The following CEP170 variants were observed in gnomAD, a reference collection of about 807,000 sequenced individuals.
CEP170 encodes centrosomal protein of 170 kDa.
Under a neutral mutation model 151.9 loss-of-function variants are expected in CEP170, and 21 were observed. The observed-to-expected ratio is 0.14, with a 90% CI of 0.10 to 0.20. The LOEUF (loss-of-function observed/expected upper bound fraction) is 0.20. CEP170 is among the 10% of genes least tolerant of loss of function. The pLI is 1.00. For synonymous variants in CEP170, 356 were observed against 648.8 expected, an observed-to-expected ratio of 0.55 and a Z score of 6.86; for missense variants, 964 against 1,892.9, an observed-to-expected ratio of 0.51 and a Z score of 9.11.
chr1:243,201,161 C>T (rs1232730196), intron 4 of CEP170, among the ~76,000 whole-genome samples: 1 of 152,002 alleles, frequency 6.6e-6, no homozygotes, highest in Non-Finnish European at 1.5e-5. Flanking sequence ...AGAAAAAGTA[C>T]ATGCATCAAA....
intron 1 of CEP170, among the ~76,000 whole-genome samples, chr1:243,231,185 ATCATCATTAT>A (rs892727185): frequency 3.1e-5 from 4 of 129,804 alleles, no homozygotes; most frequent in African/African-American, 7.6e-5. Flanking sequence ...CATCATCATC[ATCATCATTAT>A]TATTATTATT....
At chr1:243,210,678 G>C (rs958179575) in intron 4 of CEP170, among the ~76,000 whole-genome samples, 4 of 122,922 alleles carry the variant, frequency 3.3e-5, no homozygotes, top group African/African-American at 1.2e-4. Flanking sequence ...GCAGTAGTGT[G>C]ATCTTGGCTC....
At chr1:243,183,254 C>A (rs958566790) in intron 10 of CEP170, among the ~76,000 whole-genome samples, 2 of 152,092 alleles carry the variant, frequency 1.3e-5, no homozygotes, top group Non-Finnish European at 2.9e-5. Flanking sequence ...AAATAGAACA[C>A]ATCTCAAATG....
intron 17 of CEP170, among the ~76,000 whole-genome samples, chr1:243,132,128 T>C (rs1295435569): frequency 6.6e-6 from 1 of 152,208 alleles, no homozygotes; most frequent in Non-Finnish European, 1.5e-5. Context: ...CGCATGCCTC[T>C]AGGATGAACC....
chr1:243,230,124 G>A (rs1051625403), intron 1 of CEP170, among the ~76,000 whole-genome samples: 4 of 152,026 alleles, frequency 2.6e-5, no homozygotes, highest in African/African-American at 9.7e-5. Context: ...GTGGAGGCAG[G>A]AGGATTCCTT....
At chr1:243,216,436 TA>T (rs1468479289) in intron 3 of CEP170, among the ~76,000 whole-genome samples, 1 of 148,374 alleles carries the variant, frequency 6.7e-6, no homozygotes, top group African/African-American at 2.5e-5. Context: ...TTCCAACCTA[TA>T]AGTGAGAACA....
chr1:243,220,397 T>C (rs529165818), intron 3 of CEP170, among the ~76,000 whole-genome samples: 27 of 151,624 alleles, frequency 1.8e-4, no homozygotes, highest in African/African-American at 6.5e-4. Context: ...CACTTAATTC[T>C]ACATGCTTTG....
intron 10 of CEP170, among the ~76,000 whole-genome samples, chr1:243,178,612 T>G (rs745669710): frequency 2.0e-5 from 3 of 152,140 alleles, no homozygotes; most frequent in Non-Finnish European, 4.4e-5. Context: ...TACAACCCTG[T>G]GAATGTACTA....
Position 243,229,191 on chromosome 1 carries a change from C to T in CEP170, c.-41-3870G>A, listed in dbSNP as rs747759288. ...AAGGCACGTGACTCAACTCAGGTTC[C>T]GCTAAATGGTGGGAAAGGAGCCTGT... On this transcript the variant is annotated intron_variant, in intron 1 of 19. Coordinates refer to ENST00000366542, the MANE Select transcript of CEP170 (RefSeq NM_014812.3). Among the ~76,000 whole-genome samples, 38 of 152,260 alleles carry T rather than the reference C, an allele frequency of 2.5e-4. 1 individual carries two copies. Among genetic ancestry groups the T allele is most frequent in the Non-Finnish European group, 4.4e-4 (30 of 68,028 alleles).
At chr1:243,202,123 A>G in intron 4 of CEP170, among the ~76,000 whole-genome samples, 1 of 152,170 alleles carries the variant, frequency 6.6e-6, no homozygotes, top group Non-Finnish European at 1.5e-5. Context: ...CAGCCATAAA[A>G]AAGAATGAAA....
chr1:243,251,602 T>C (rs963074412), intron 1 of CEP170, among the ~76,000 whole-genome samples: 1 of 152,172 alleles, frequency 6.6e-6, no homozygotes, highest in African/African-American at 2.4e-5. Context: ...GTAGGTATTA[T>C]TCAACGATTC....
chr1:243,238,953 T>A (rs979598339), intron 1 of CEP170, among the ~76,000 whole-genome samples: 5 of 152,244 alleles, frequency 3.3e-5, no homozygotes, highest in Non-Finnish European at 5.9e-5. Flanking sequence ...CCTCAATCTC[T>A]TTGAAAGTGT....
chr1:243,224,890 A>G (rs2063106452), intron 2 of CEP170, among the ~76,000 whole-genome samples: 1 of 152,190 alleles, frequency 6.6e-6, no homozygotes, highest in South Asian at 2.1e-4. Flanking sequence ...ACTCCATGCT[A>G]TGCTGATTTT....
intron 14 of CEP170, among the ~76,000 whole-genome samples, chr1:243,155,587 C>G (rs1277986393): frequency 1.3e-5 from 2 of 152,080 alleles, no homozygotes; most frequent in African/African-American, 4.8e-5. Flanking sequence ...TGAGTATAAT[C>G]TCTCTTCAAA....
intron 17 of CEP170, 76 bp downstream of exon 17, chr1:243,136,067 G>A (rs1222514686): frequency 6.5e-7 from 1 of 1,548,716 alleles, no homozygotes; most frequent in Non-Finnish European, 8.7e-7. Flanking sequence ...TCATTCTGAT[G>A]ATACATTTTT....
rs527624039 is a variant in CEP170, at chr1:243,234,811, G to C, written c.-41-9490C>G. ...AAATAAAGTCCAAACATACATCATA[G>C]TAACTCAGGATCAAGTAAAATGCAA... On this transcript the variant is annotated intron_variant, in intron 1 of 19. Transcript: ENST00000366542. 2.0e-5 allele frequency among the ~76,000 whole-genome samples: 3 copies of C among 152,236 alleles called. No individual in the cohort carries two copies. In the South Asian group the frequency reaches 6.2e-4, roughly 32 times the overall value.
intron 10 of CEP170, among the ~76,000 whole-genome samples, chr1:243,176,275 T>A (rs2059245727): frequency 6.6e-6 from 1 of 151,908 alleles, no homozygotes; most frequent in African/African-American, 2.4e-5. Flanking sequence ...ATTTTTATGC[T>A]TGCACCCCAA....
Position 243,124,861 on chromosome 1 carries a change from G to A in CEP170, c.*1588C>T, listed in dbSNP as rs1238567185. 2 of 151,770 alleles carry A rather than the reference G, an allele frequency of 1.3e-5. No individual in the cohort carries two copies. Among genetic ancestry groups the A allele is most frequent in the African/African-American group, 4.9e-5 (2 of 41,072 alleles). The allele number at this position is 151,770 out of a possible 1,614,324, so 9.4% of individuals were successfully genotyped here. ...CAGAATGGGGAATTTAGCTTTACAA[G>A]GAGAATAGTTCATTTACCTTTTTTT... On this transcript the variant is annotated 3_prime_UTR_variant, in exon 20 of 20. Transcript: ENST00000366542.
At chr1:243,167,345 T>C (rs542963187) in intron 12 of CEP170, among the ~76,000 whole-genome samples, 48 of 152,046 alleles carry the variant, frequency 3.2e-4, no homozygotes, top group Middle Eastern at 3.5e-3. Flanking sequence ...AGTTAGGACA[T>C]AGCAAAATTT....
Sources: gnomAD v4.1 joint callset for allele counts (sites outside exome capture counted in the v4.1 genomes callset) on GRCh38, gnomAD v4.1.1 for gene constraint, MANE v1.5 for transcripts, NCBI Gene and HGNC (gene_info 2026-07-23, HGNC 2026-07-21) for gene names.